MTRR: variants seen among roughly 807,000 people sequenced by gnomAD.
MTRR encodes 5-methyltetrahydrofolate-homocysteine methyltransferase reductase.
In MTRR, 63 loss-of-function variants were observed where a neutral mutation model predicts 79.2. That is an observed-to-expected ratio of 0.80 (90% CI 0.65 to 0.98). The LOEUF (loss-of-function observed/expected upper bound fraction) is 0.98, where lower values mean the gene tolerates loss of function less well. Ranked by LOEUF, MTRR falls within the 50% of genes least tolerant of loss-of-function variation. MTRR has a pLI of 0.00. For missense variants in MTRR, 895 were observed against 839.6 expected (o/e 1.07, Z -0.82); for synonymous variants, 355 against 313.3 (o/e 1.13, Z -1.41).
chr5:7,870,471 T>G, intron 1 of MTRR: 1 of 385,594 alleles, frequency 2.6e-6, no homozygotes, highest in Non-Finnish European at 5.0e-6. Context: ...GTACGGATCA[T>G]TTGGGGAGCT....
intron 5 of MTRR, among the ~76,000 whole-genome samples, chr5:7,878,660 A>G (rs1392196744): frequency 6.6e-6 from 1 of 152,270 alleles, no homozygotes; most frequent in East Asian, 1.9e-4. Context: ...GAAGAAGTAG[A>G]TAAGAACTCA....
chr5:7,868,704 T>C (rs1404450601), upstream of MTRR, among the ~76,000 whole-genome samples: 3 of 151,782 alleles, frequency 2.0e-5, no homozygotes, highest in South Asian at 2.1e-4. Context: ...AAGCAAAACA[T>C]AGATCAATGA....
At chr5:7,876,548 C>T (rs908994638) in intron 4 of MTRR, among the ~76,000 whole-genome samples, 9 of 152,154 alleles carry the variant, frequency 5.9e-5, no homozygotes, top group Admixed American at 5.9e-4. Flanking sequence ...GATTTTCAAC[C>T]TAACTACCTT....
rs367609729 is a variant in MTRR, at chr5:7,878,049, G to T, written c.507G>T (p.Val169=). 6.2e-7 allele frequency: 1 copy of T among 1,613,866 alleles called. No homozygotes were observed. ...GQEEISGALP[V]ASPASSRTDL... ...AGGAGATAAGTGGCGCACTCCCGGT[G>T]GCATCACCTGCATCCTCGAGGACAG... The change falls in exon 5 of 15, where the codon GTG becomes GTT. Residue 169 remains valine, a synonymous_variant. Transcript: ENST00000440940.
At chr5:7,867,021 G>A, upstream of MTRR, 1 of 1,614,152 alleles carries the variant, frequency 6.2e-7, no homozygotes, top group Non-Finnish European at 8.5e-7. Flanking sequence ...CGATGCTCTA[G>A]GGCTTTTGTA....
At chr5:7,853,745 G>A (rs1050974826) in intron 1 of MTRR, among the ~76,000 whole-genome samples, 3 of 152,150 alleles carry the variant, frequency 2.0e-5, no homozygotes, top group Non-Finnish European at 4.4e-5. Context: ...GTGGAGGCTC[G>A]CTCCTTCAGT....
At chr5:7,890,261 T>C in intron 9 of MTRR, 1 of 985,284 alleles carries the variant, frequency 1.0e-6, no homozygotes, top group Non-Finnish European at 1.2e-6. Flanking sequence ...TTTTTCTTAG[T>C]GTTTTTTCCA....
At chr5:7,880,692 C>T (rs1735436856) in intron 5 of MTRR, among the ~76,000 whole-genome samples, 1 of 152,194 alleles carries the variant, frequency 6.6e-6, no homozygotes, top group Non-Finnish European at 1.5e-5. Flanking sequence ...GAGACTTCTT[C>T]TTGGCCCTCC....
chr5:7,855,734 TATTAAG>T (rs1746227959), intron 1 of MTRR, among the ~76,000 whole-genome samples: 1 of 152,192 alleles, frequency 6.6e-6, no homozygotes, highest in African/African-American at 2.4e-5. Context: ...ACAGTAGGGT[TATTAAG>T]ATTGTTTCTT....
chr5:7,856,027 AG>A (rs1397719239), intron 1 of MTRR, among the ~76,000 whole-genome samples: 2 of 152,108 alleles, frequency 1.3e-5, no homozygotes, highest in Non-Finnish European at 2.9e-5. Context: ...GGATTTGGGG[AG>A]GGGTGAATTT....
chr5:7,892,114 C>T (rs1046622398), intron 10 of MTRR, among the ~76,000 whole-genome samples: 1 of 152,196 alleles, frequency 6.6e-6, no homozygotes, highest in Non-Finnish European at 1.5e-5. Flanking sequence ...TTCCATTGCA[C>T]AGCCTCTACC....
chr5:7,859,592 C>A (rs765790997), intron 1 of MTRR: 1 of 1,171,622 alleles, frequency 8.5e-7, no homozygotes, highest in Non-Finnish European at 1.2e-6. Flanking sequence ...TCTGAGGTTC[C>A]TCTGGCTATT....
At position 7,878,036 on chromosome 5, in the gene MTRR, G is replaced by A. The variant is rs1734871282; in HGVS notation, c.494G>A (p.Gly165Asp). The change falls in exon 5 of 15, where the codon GGC (glycine) becomes GAC (aspartate). Residue 165 changes from glycine to aspartate, a missense_variant. Gly to Asp is a moderately conservative substitution (Grantham distance 94). Transcript: ENST00000440940. ...RSSRGQEEIS[G>D]ALPVASPASS... ...AGCAGAGGACAAGAGGAGATAAGTG[G>A]CGCACTCCCGGTGGCATCACCTGCA... The A allele has an allele frequency of 1.2e-6, 2 of 1,613,664 alleles. No homozygotes were observed. The highest frequency in any genetic ancestry group is 1.3e-5 in the African/African-American group (1 of 74,780).
chr5:7,896,130 A>G (rs1190911047), intron 12 of MTRR, among the ~76,000 whole-genome samples: 3 of 152,186 alleles, frequency 2.0e-5, no homozygotes, highest in Non-Finnish European at 4.4e-5. Context: ...AATATTGGGC[A>G]TACCTTCGTA....
chr5:7,882,948 T>C (rs1003879277), intron 5 of MTRR, among the ~76,000 whole-genome samples: 2 of 152,244 alleles, frequency 1.3e-5, no homozygotes, highest in Non-Finnish European at 2.9e-5. Flanking sequence ...GAAATTCTAA[T>C]GTCTAATAGA....
At chr5:7,884,031 G>A (rs944016555) in intron 6 of MTRR, among the ~76,000 whole-genome samples, 16 of 152,182 alleles carry the variant, frequency 1.1e-4, no homozygotes, top group Non-Finnish European at 1.6e-4. Context: ...GGGCATGGTG[G>A]TGTGTACCGA....
intron 8 of MTRR, among the ~76,000 whole-genome samples, chr5:7,888,413 AT>A (rs1736978783): frequency 6.6e-6 from 1 of 152,218 alleles, no homozygotes; most frequent in East Asian, 1.9e-4. Context: ...ACAAACTGTT[AT>A]TGGTAGATGT....
intron 11 of MTRR, chr5:7,893,244 G>A (rs927082239): frequency 3.2e-6 from 1 of 310,376 alleles, no homozygotes; most frequent in Non-Finnish European, 6.1e-6. Flanking sequence ...GTATTTAAGG[G>A]GGGTGATGAG....
At chr5:7,874,776 C>G (rs1040290125) in intron 3 of MTRR, among the ~76,000 whole-genome samples, 6 of 152,196 alleles carry the variant, frequency 3.9e-5, no homozygotes, top group Non-Finnish European at 2.9e-5. Flanking sequence ...CAGGCCTACT[C>G]AACGCTGCTG....
Sources: gnomAD v4.1 joint callset for allele counts (sites outside exome capture counted in the v4.1 genomes callset) on GRCh38, gnomAD v4.1.1 for gene constraint, MANE v1.5 for transcripts, NCBI Gene and HGNC (gene_info 2026-07-23, HGNC 2026-07-21) for gene names.